FANCA: variants seen among roughly 807,000 people sequenced by gnomAD.
FANCA encodes FA complementation group A.
A neutral mutation model predicts 194.3 loss-of-function variants in FANCA; 236 were observed. The ratio of observed to expected loss-of-function variants is 1.21; its 90% confidence interval spans 1.09 to 1.35. FANCA has a LOEUF of 1.35. FANCA is among the 40% of genes most tolerant of loss of function. FANCA has a pLI of 0.00. For synonymous variants in FANCA, 1,014 were observed against 715.8 expected (o/e 1.42, Z -6.65); for missense variants, 2,628 against 1,813.9 (o/e 1.45, Z -8.15).
intron 39 of FANCA, 50 bp from the exon 40 acceptor site, chr16:89,739,603 A>G (rs1168461594): frequency 6.5e-7 from 1 of 1,540,842 alleles, no homozygotes; most frequent in Non-Finnish European, 8.8e-7. Context: ...TCTGCCTATT[A>G]TCAGTGCTGG....
intron 7 of FANCA, among the ~76,000 whole-genome samples, chr16:89,804,389 G>A (rs1009819048): frequency 2.0e-5 from 3 of 152,256 alleles, no homozygotes; most frequent in East Asian, 1.9e-4. Context: ...GCCAGAAAAC[G>A]AGCTTCAATG....
intron 11 of FANCA, among the ~76,000 whole-genome samples, chr16:89,795,180 G>T (rs1436611298): frequency 6.6e-6 from 1 of 151,528 alleles, no homozygotes; most frequent in Non-Finnish European, 1.5e-5. Context: ...AGCTACTGTG[G>T]AGGCTGAGGC....
At chr16:89,750,505 A>C (rs988067986) in intron 31 of FANCA, among the ~76,000 whole-genome samples, 17 of 150,142 alleles carry the variant, frequency 1.1e-4, no homozygotes, top group East Asian at 8.0e-4. Context: ...ACAAAAAAAA[A>C]CAGCCAGGTA....
rs1254607776 is a variant in FANCA, at chr16:89,780,485, G to A, written c.1627-528C>T. On this transcript the variant is annotated intron_variant, in intron 17 of 42. Transcript: ENST00000389301. ...AAAAATACAAAAACATTAGCCAGGT[G>A]TAGAGGCATGAGCCAGTGGTCCCAG... Among the ~76,000 whole-genome samples the A allele has an allele frequency of 2.6e-5, 4 of 152,018 alleles. No individual in the cohort carries two copies. The East Asian group carries it at 7.7e-4, about 29-fold the overall frequency.
chr16:89,743,285 G>T (rs17227312), intron 36 of FANCA, among the ~76,000 whole-genome samples: 1,997 of 152,330 alleles, frequency 0.013, 49 homozygotes, highest in African/African-American at 0.046. Flanking sequence ...TGGCCCTGTG[G>T]ATCAGGCATT....
intron 35 of FANCA, among the ~76,000 whole-genome samples, chr16:89,746,048 G>A (rs2038377702): frequency 6.6e-6 from 1 of 152,212 alleles, no homozygotes; most frequent in African/African-American, 2.4e-5. Flanking sequence ...GTGGTCTTCA[G>A]GACTAAGTGA....
intron 28 of FANCA, chr16:89,762,589 A>C: frequency 4.5e-6 from 1 of 224,190 alleles, no homozygotes; most frequent in Non-Finnish European, 9.2e-6. Flanking sequence ...AAAAAGAAAA[A>C]AGAAACTAAC....
At chr16:89,765,676 G>A (rs1433070865) in intron 27 of FANCA, among the ~76,000 whole-genome samples, 2 of 152,254 alleles carry the variant, frequency 1.3e-5, no homozygotes, top group Non-Finnish European at 1.5e-5. Context: ...CTGCGTGACC[G>A]TGTCCATCTC....
intron 24 of FANCA, 79 bp from the exon 25 acceptor site, chr16:89,770,338 C>G: frequency 7.5e-7 from 1 of 1,337,620 alleles, no homozygotes; most frequent in East Asian, 2.5e-5. Context: ...CAACCACCAG[C>G]GGCCGAAGAA....
chr16:89,791,732 C>A (rs775242955), intron 13 of FANCA, 195 bp downstream of exon 13: 6 of 965,660 alleles, frequency 6.2e-6, no homozygotes, highest in Non-Finnish European at 9.5e-6. Context: ...AGTGGACACT[C>A]TGGCCTCTCA....
Position 89,737,988 on chromosome 16 carries a change from T to G in FANCA, c.*613A>C. On this transcript the variant is annotated 3_prime_UTR_variant, in exon 43 of 43. Coordinates refer to ENST00000389301, the MANE Select transcript of FANCA (RefSeq NM_000135.4). ...CTCTGTCCCCCAGGTGTGAGGTCTG[T>G]GGGTTCCAGTGCAGGCAGCGGGCAT... The G allele has an allele frequency of 6.2e-7, 1 of 1,614,142 alleles. No homozygotes were observed. Among genetic ancestry groups the G allele is most frequent in the Non-Finnish European group, 8.5e-7 (1 of 1,180,030 alleles).
rs2040082348 is a variant in FANCA, at chr16:89,791,708, C to T, written c.1226-172G>A. 22 of 1,029,614 alleles carry T rather than the reference C, an allele frequency of 2.1e-5. No homozygotes were observed. The South Asian group carries it at 3.1e-4, about 15-fold the overall frequency. 63.8% of individuals were successfully genotyped at this position (1,029,614 alleles called of 1,614,324 possible). A position where few individuals can be genotyped will look rare whatever the true frequency, so the allele number is the denominator to read the frequency against. The stretch of plus-strand genomic sequence containing the variant: ...ATGTCAAGTGCAAACCACTAGAGAC[C>T]TGAATGAAGCAGCAGTGGACACTCT... On this transcript the variant is annotated intron_variant, in intron 13 of 42. Coordinates refer to ENST00000389301, the MANE Select transcript of FANCA (RefSeq NM_000135.4).
In FANCA at chr16:89,742,951, G is replaced by GA; in HGVS notation, c.3627-14dup. 5 of 1,613,278 alleles carry GA rather than the reference G, an allele frequency of 3.1e-6. No individual in the cohort carries two copies. The highest frequency in any genetic ancestry group is 4.2e-6 in the Non-Finnish European group (5 of 1,179,354). ...AGGGGAGAGGAAACTGGGACAGAGA[G>GA]AACGGGGTCATTGCAGGGCCTTACA... On this transcript the variant is annotated splice_polypyrimidine_tract_variant and intron_variant, in intron 36 of 42. Coordinates refer to ENST00000389301, the MANE Select transcript of FANCA (RefSeq NM_000135.4).
At chr16:89,770,658 G>A (rs753515204) in intron 23 of FANCA, 24 bp from the exon 24 acceptor site, 1 of 1,586,998 alleles carries the variant, frequency 6.3e-7, no homozygotes, top group East Asian at 2.3e-5. Flanking sequence ...GTTCTCATGA[G>A]CGTGGTGTCC....
At position 89,806,589 on chromosome 16, in the gene FANCA, A is replaced by G. The variant is rs560238336; in HGVS notation, c.597-1197T>C. Among the ~76,000 whole-genome samples the G allele has an allele frequency of 1.4e-4, 22 of 152,090 alleles. No homozygotes were observed. In the South Asian group the frequency reaches 4.4e-3, roughly 30 times the overall value. ...CTGCCTTCAAGCATCTGTTTAACAA[A>G]GCATATCTTGCACCGCCCTTAATCC... On this transcript the variant is annotated intron_variant, in intron 6 of 42. Coordinates refer to ENST00000389301, the MANE Select transcript of FANCA (RefSeq NM_000135.4).
Position 89,805,173 on chromosome 16 carries a change from C to G in FANCA, c.709+107G>C, listed in dbSNP as rs1024645927. ...GTCTGTCATGCCAGGTTCCCACGGC[C>G]ACGGAGAGACAGGCTGTTCTGCCTC... On this transcript the variant is annotated intron_variant, in intron 7 of 42. Transcript: ENST00000389301. 9 of 853,402 alleles carry G rather than the reference C, an allele frequency of 1.1e-5. No individual in the cohort carries two copies. In the African/African-American group the frequency reaches 1.3e-4, roughly 13 times the overall value. 52.9% of individuals were successfully genotyped at this position (853,402 alleles called of 1,614,324 possible). A position where few individuals can be genotyped will look rare whatever the true frequency, so the allele number is the denominator to read the frequency against.
intron 14 of FANCA, among the ~76,000 whole-genome samples, chr16:89,790,032 T>C (rs2040016319): frequency 6.6e-6 from 1 of 152,152 alleles, no homozygotes; most frequent in Admixed American, 6.6e-5. Context: ...GCACACTGTG[T>C]GTGTTCCAAA....
intron 2 of FANCA, among the ~76,000 whole-genome samples, chr16:89,814,937 T>C (rs2041044358): frequency 6.6e-6 from 1 of 151,854 alleles, no homozygotes; most frequent in African/African-American, 2.4e-5. Flanking sequence ...TGAGACTTTG[T>C]CTCAAAAAAA....
chr16:89,760,835 A>G (rs934098684), intron 29 of FANCA, among the ~76,000 whole-genome samples: 4 of 152,066 alleles, frequency 2.6e-5, no homozygotes, highest in Non-Finnish European at 4.4e-5. Flanking sequence ...CCTGTCTGTT[A>G]TCTCCAGGGC....
Sources: gnomAD v4.1 joint callset for allele counts (sites outside exome capture counted in the v4.1 genomes callset) on GRCh38, gnomAD v4.1.1 for gene constraint, MANE v1.5 for transcripts, NCBI Gene and HGNC (gene_info 2026-07-23, HGNC 2026-07-21) for gene names.